ZNF737: variants seen among roughly 807,000 people sequenced by gnomAD.
ZNF737 encodes the protein zinc finger protein 737.
ZNF737 carries 13 observed loss-of-function variants against 11.7 expected under a neutral mutation model. That is an observed-to-expected ratio of 1.11 (90% CI 0.73 to 1.77). ZNF737 has a LOEUF of 1.77. Among genes scored for constraint, ZNF737 ranks in the 40% most tolerant of loss-of-function variants. The pLI is 0.00. For missense variants in ZNF737, 636 were observed against 638.0 expected, an observed-to-expected ratio of 1.00 and a Z score of 0.03; for synonymous variants, 217 against 216.2, an observed-to-expected ratio of 1.00 and a Z score of -0.03.
chr19:20,545,760 TCACA>T lies in ZNF737; in HGVS notation c.439_442del (p.Cys147IlefsTer4). 1.2e-6 allele frequency: 2 copies of T among 1,613,328 alleles called. No individual in the cohort carries two copies. The highest frequency in any genetic ancestry group is 1.7e-6 in the Non-Finnish European group (2 of 1,179,758). On this transcript the variant is annotated frameshift_variant, in exon 4 of 4. Coordinates refer to ENST00000427401, the MANE Select transcript of ZNF737 (RefSeq NM_001159293.2). LOFTEE classifies it low-confidence loss of function (END_TRUNC). ...TTTATGAATGACTTTCACATATTTA[TCACA>T]CTGAAATATTTTGCTTTGAGTAGTT...
rs782585586 is a variant in ZNF737, at chr19:20,545,505, TCTTC to T, written c.694_697del (p.Glu232ThrfsTer17). Reference sequence around the variant, plus strand: ...AAACCGGCTAAAGGCTTTGCCACAGTCTTCACATTTGTACCGTTTCTCTCCAGTA... The same window carrying T: ...AAACCGGCTAAAGGCTTTGCCACAGTACATTTGTACCGTTTCTCTCCAGTA... On this transcript the variant is annotated frameshift_variant, in exon 4 of 4. Transcript: ENST00000427401. LOFTEE classifies it low-confidence loss of function (END_TRUNC). 5 of 1,613,342 alleles carry T rather than the reference TCTTC, an allele frequency of 3.1e-6. No individual in the cohort carries two copies. The African/African-American group carries it at 6.7e-5, about 22-fold the overall frequency.
intron 3 of ZNF737, among the ~76,000 whole-genome samples, chr19:20,548,981 C>CAAAAACAG (rs66835154): frequency 1.1e-5 from 1 of 93,334 alleles, no homozygotes; most frequent in Non-Finnish European, 2.2e-5. Context: ...AAAAAAAAAA[C>CAAAAACAG]AATTATGTAT....
chr19:20,564,989 C>T (rs1398203545), intron 1 of ZNF737, among the ~76,000 whole-genome samples: 3 of 144,382 alleles, frequency 2.1e-5, no homozygotes, highest in Non-Finnish European at 4.5e-5. Flanking sequence ...GGCTGGAGTG[C>T]AGTGGCAAGA....
intron 1 of ZNF737, among the ~76,000 whole-genome samples, chr19:20,562,843 A>T (rs547660353): frequency 6.6e-6 from 1 of 152,234 alleles, no homozygotes; most frequent in South Asian, 2.1e-4. Context: ...AGTCTGAGTC[A>T]GCATACAACC....
chr19:20,553,391 T>G (rs1193143618), intron 2 of ZNF737, among the ~76,000 whole-genome samples: 1 of 152,124 alleles, frequency 6.6e-6, no homozygotes, highest in Non-Finnish European at 1.5e-5. Flanking sequence ...CCCAATTAGC[T>G]GGGATTACAG....
intron 1 of ZNF737, among the ~76,000 whole-genome samples, chr19:20,563,486 C>T (rs1254683607): frequency 8.1e-6 from 1 of 123,676 alleles, no homozygotes; most frequent in African/African-American, 3.1e-5. Context: ...GAAGTGCTTA[C>T]TTTTTTTTTT....
At position 20,543,369 on chromosome 19, in the gene ZNF737, T is replaced by C. The variant is rs892309053; in HGVS notation, c.*1223A>G. 19 of 986,574 alleles carry C rather than the reference T, an allele frequency of 1.9e-5. No homozygotes were observed. The South Asian group carries it at 3.8e-4, about 19-fold the overall frequency. 61.1% of individuals were successfully genotyped at this position (986,574 alleles called of 1,614,324 possible). On this transcript the variant is annotated 3_prime_UTR_variant, in exon 4 of 4. Transcript: ENST00000427401. ...TAAATGTACTATGTAACTCCCTTTA[T>C]ATTTGTAATGCTTGTCTTCACAATA...
intron 1 of ZNF737, among the ~76,000 whole-genome samples, chr19:20,562,144 TCTC>T (rs1278934111): frequency 4.6e-5 from 7 of 152,036 alleles, no homozygotes; most frequent in Non-Finnish European, 8.8e-5. Flanking sequence ...CTGCACATTT[TCTC>T]CTTTTTCTCA....
At chr19:20,549,999 G>A (rs1968607856) in intron 3 of ZNF737, among the ~76,000 whole-genome samples, 1 of 151,328 alleles carries the variant, frequency 6.6e-6, no homozygotes, top group South Asian at 2.1e-4. Context: ...CAAAATGCAA[G>A]TATTCTGAAT....
intron 3 of ZNF737, among the ~76,000 whole-genome samples, chr19:20,547,302 A>G (rs1555757258): frequency 6.7e-6 from 1 of 150,022 alleles, no homozygotes; most frequent in Non-Finnish European, 1.5e-5. Flanking sequence ...AATGGCATGA[A>G]CCTGGGAGGC....
Position 20,545,073 on chromosome 19 carries a change from G to A in ZNF737, c.1130C>T (p.Ala377Val). ...AGTAAGGTGTGAGGACCAGTTGAAG[G>A]CTTTGCCACATTCTTCACATTTGTA... ...KPYKCEECGK[A>V]FNWSSHLTTH... Residue 377 changes from alanine to valine, a missense_variant, in exon 4 of 4, where the codon GCC becomes GTC. Transcript: ENST00000427401. 1 of 1,612,646 alleles carries A rather than the reference G, an allele frequency of 6.2e-7. No individual in the cohort carries two copies. Among genetic ancestry groups the A allele is most frequent in the Non-Finnish European group, 8.5e-7 (1 of 1,179,210 alleles).
intron 1 of ZNF737, among the ~76,000 whole-genome samples, chr19:20,559,689 CCT>C (rs1555761950): frequency 1.3e-5 from 2 of 152,152 alleles, no homozygotes; most frequent in Non-Finnish European, 2.9e-5. Context: ...TGTGGCGGTT[CCT>C]CACAGAACTA....
At chr19:20,535,597 C>T (rs1349714392), downstream of ZNF737, among the ~76,000 whole-genome samples, 2 of 150,816 alleles carry the variant, frequency 1.3e-5, no homozygotes, top group Non-Finnish European at 2.9e-5. Flanking sequence ...ACCATCTCCA[C>T]TCACTGCAAC....
Position 20,538,052 on chromosome 19 carries a change from C to T in ZNF737, c.*6540G>A. On this transcript the variant is annotated 3_prime_UTR_variant, in exon 4 of 4. Transcript: ENST00000427401. ...GTGTATTAACCATGTTTTCAGTAAT[C>T]ACTCTGAACACAGCATTCTCAGTTC... 1 of 983,316 alleles carries T rather than the reference C, an allele frequency of 1.0e-6. No homozygotes were observed. Among genetic ancestry groups the T allele is most frequent in the Non-Finnish European group, 1.2e-6 (1 of 828,100 alleles). 60.9% of individuals were successfully genotyped at this position (983,316 alleles called of 1,614,324 possible). A position where few individuals can be genotyped will look rare whatever the true frequency, so the allele number is the denominator to read the frequency against.
chr19:20,532,454 C>T (rs1281822549), downstream of ZNF737, among the ~76,000 whole-genome samples: 4 of 149,568 alleles, frequency 2.7e-5, no homozygotes, highest in Admixed American at 6.7e-5. Flanking sequence ...ATATGTTTAT[C>T]GAGCCACCTA....
chr19:20,558,729 A>T (rs191938048), intron 1 of ZNF737, among the ~76,000 whole-genome samples: 1 of 152,170 alleles, frequency 6.6e-6, no homozygotes, highest in Non-Finnish European at 1.5e-5. Context: ...GCCTAACACA[A>T]TTCTGCTCTG....
At chr19:20,531,208 G>A (rs1967816930), downstream of ZNF737, among the ~76,000 whole-genome samples, 2 of 142,120 alleles carry the variant, frequency 1.4e-5, no homozygotes, top group African/African-American at 5.3e-5. Flanking sequence ...GGCATGAGAG[G>A]GAGACCGTGG....
At position 20,541,757 on chromosome 19, in the gene ZNF737, T is replaced by G. The variant is rs1170100503; in HGVS notation, c.*2835A>C. Among the ~76,000 whole-genome samples the G allele has an allele frequency of 6.6e-6, 1 of 152,236 alleles. No individual in the cohort carries two copies. The highest frequency in any genetic ancestry group is 2.4e-5 in the African/African-American group (1 of 41,456). ...TATTTACATTTTTGTATAATTATTA[T>G]GATCATAGAAATAATTCTGTAGTCA... On this transcript the variant is annotated 3_prime_UTR_variant, in exon 4 of 4. Coordinates refer to ENST00000427401, the MANE Select transcript of ZNF737 (RefSeq NM_001159293.2).
chr19:20,535,709 A>G (rs1967943420), downstream of ZNF737: 1 of 151,976 alleles, frequency 6.6e-6, no homozygotes, highest in Non-Finnish European at 1.5e-5. Context: ...TATTTTTAGT[A>G]GAGATAGGAT....
Sources: gnomAD v4.1 joint callset for allele counts (sites outside exome capture counted in the v4.1 genomes callset) on GRCh38, gnomAD v4.1.1 for gene constraint, MANE v1.5 for transcripts, NCBI Gene and HGNC (gene_info 2026-07-23, HGNC 2026-07-21) for gene names.